Variants in NXPE2 observed in about 807,000 individuals in gnomAD.
The protein encoded by NXPE2 is neurexophilin and PC-esterase domain family member 2, also known as NXPE family member 2.
In NXPE2, 34 loss-of-function variants were observed where a neutral mutation model predicts 34.4. The observed-to-expected ratio is 0.99, with a 90% confidence interval of 0.75 to 1.31. The LOEUF (loss-of-function observed/expected upper bound fraction) is 1.31. NXPE2 is among the 40% of genes most tolerant of loss of function. NXPE2 has a pLI of 0.00. For synonymous variants in NXPE2, 235 were observed against 231.3 expected (o/e 1.02, Z -0.15); for missense variants, 649 against 672.5 (o/e 0.97, Z 0.39).
chr11:114,495,064 C>G, the NXPE2 span, among the ~76,000 whole-genome samples: 2 of 152,162 alleles, frequency 1.3e-5, no homozygotes, highest in Non-Finnish European at 2.9e-5. Context: ...CCCAAGCGAA[C>G]AAAAGTCTCT....
chr11:114,466,724 G>C, the NXPE2 span, among the ~76,000 whole-genome samples: 1 of 152,054 alleles, frequency 6.6e-6, no homozygotes, highest in African/African-American at 2.4e-5. Flanking sequence ...CTTCTTCCCA[G>C]TTTGGAACTG....
chr11:114,780,883 G>A, the NXPE2 span, among the ~76,000 whole-genome samples: 1 of 152,294 alleles, frequency 6.6e-6, no homozygotes, highest in Non-Finnish European at 1.5e-5. Context: ...GGTATTGTTT[G>A]AGCCTAAGGG....
the NXPE2 span, among the ~76,000 whole-genome samples, chr11:114,536,520 T>C: frequency 6.6e-5 from 10 of 151,974 alleles, no homozygotes; most frequent in Admixed American, 2.6e-4. Flanking sequence ...ATCAACAAAA[T>C]TGATAGACCG....
chr11:114,803,147 G>A, the NXPE2 span, among the ~76,000 whole-genome samples: 3 of 152,182 alleles, frequency 2.0e-5, no homozygotes, highest in African/African-American at 7.2e-5. Flanking sequence ...CAATTGTTCT[G>A]TACACTCAGT....
chr11:114,697,619 T>A (rs569200428), intron 2 of NXPE2, among the ~76,000 whole-genome samples: 1 of 152,276 alleles, frequency 6.6e-6, no homozygotes, highest in African/African-American at 2.4e-5. Context: ...AAACACTTCC[T>A]CCAACAGCAG....
the NXPE2 span, among the ~76,000 whole-genome samples, chr11:114,751,070 C>T: frequency 2.0e-5 from 3 of 152,150 alleles, no homozygotes; most frequent in Non-Finnish European, 4.4e-5. Flanking sequence ...TGTATCTATA[C>T]TATCTGAAAT....
At chr11:114,601,441 G>A in the NXPE2 span, among the ~76,000 whole-genome samples, 1 of 123,200 alleles carries the variant, frequency 8.1e-6, no homozygotes, top group African/African-American at 3.1e-5. Flanking sequence ...TTAAATTTAT[G>A]TATATATTTA....
At chr11:114,602,955 A>G in the NXPE2 span, among the ~76,000 whole-genome samples, 5 of 150,100 alleles carry the variant, frequency 3.3e-5, no homozygotes, top group Admixed American at 1.3e-4. Flanking sequence ...TAATTATCTC[A>G]TATACAATTA....
chr11:114,632,730 AAT>A, the NXPE2 span, among the ~76,000 whole-genome samples: 2 of 47,450 alleles, frequency 4.2e-5, no homozygotes, highest in African/African-American at 1.7e-4. Context: ...TATAATATAT[AAT>A]ATATATAAAA....
chr11:114,721,229 TTTTC>T, the NXPE2 span, among the ~76,000 whole-genome samples: 1 of 151,108 alleles, frequency 6.6e-6, no homozygotes, highest in African/African-American at 2.5e-5. Context: ...CTTATTCAGG[TTTTC>T]TTTCTTCAGG....
chr11:114,580,744 A>G, the NXPE2 span, among the ~76,000 whole-genome samples: 1 of 152,228 alleles, frequency 6.6e-6, no homozygotes, highest in Non-Finnish European at 1.5e-5. Flanking sequence ...CCATCAAAAT[A>G]TAAATCCTTT....
chr11:114,571,321 G>GGTGAGTACC, the NXPE2 span: 1 of 1,613,958 alleles, frequency 6.2e-7, no homozygotes, highest in Non-Finnish European at 8.5e-7. Context: ...TCAATGGCCC[G>GGTGAGTACC]GGTGAGGTAC....
the NXPE2 span, among the ~76,000 whole-genome samples, chr11:114,608,597 C>T: frequency 5.3e-5 from 8 of 151,434 alleles, 2 homozygotes; most frequent in Admixed American, 4.0e-4. Context: ...ATAATTGTTG[C>T]CTCTAGGGTA....
At chr11:114,636,039 G>A in the NXPE2 span, among the ~76,000 whole-genome samples, 14,001 of 151,868 alleles carry the variant, frequency 0.092, 827 homozygotes, top group Middle Eastern at 0.2. Context: ...CAGAAGGAAC[G>A]GTACCAGTTC....
the NXPE2 span, among the ~76,000 whole-genome samples, chr11:114,639,800 AAATATAAAAT>A: frequency 3.1e-4 from 18 of 57,576 alleles, no homozygotes; most frequent in East Asian, 1.0e-3. Flanking sequence ...ATATTATATT[AAATATAAAAT>A]AATATAAAAT....
chr11:114,733,510 T>C, the NXPE2 span, among the ~76,000 whole-genome samples: 1 of 152,336 alleles, frequency 6.6e-6, no homozygotes, highest in South Asian at 2.1e-4. Flanking sequence ...TTTGGGGTAC[T>C]GAAACCATAA....
At chr11:114,806,483 A>C in the NXPE2 span, among the ~76,000 whole-genome samples, 1 of 152,204 alleles carries the variant, frequency 6.6e-6, no homozygotes, top group Non-Finnish European at 1.5e-5. Context: ...AGAATAATCA[A>C]TGCAGAGAAG....
the NXPE2 span, among the ~76,000 whole-genome samples, chr11:114,618,287 T>G: frequency 2.0e-5 from 3 of 152,046 alleles, no homozygotes; most frequent in African/African-American, 7.2e-5. Context: ...TATTACCGCA[T>G]GGGTAACCAC....
chr11:114,689,284 G>T (rs924674828), intron 2 of NXPE2, among the ~76,000 whole-genome samples: 4 of 151,754 alleles, frequency 2.6e-5, no homozygotes, highest in African/African-American at 7.3e-5. Flanking sequence ...GGTATGTTTT[G>T]TCTCTATTTT....
Sources: gnomAD v4.1 joint callset for allele counts (sites outside exome capture counted in the v4.1 genomes callset) on GRCh38, gnomAD v4.1.1 for gene constraint, MANE v1.5 for transcripts, NCBI Gene and HGNC (gene_info 2026-07-23, HGNC 2026-07-21) for gene names.